ZCCHC17: variants seen among roughly 807,000 people sequenced by gnomAD.
ZCCHC17 encodes the protein zinc finger CCHC domain-containing protein 17.
In ZCCHC17, 18 loss-of-function variants were observed where a neutral mutation model predicts 30.6. The observed-to-expected ratio is 0.59, with a 90% CI of 0.41 to 0.87. ZCCHC17 has a LOEUF of 0.87. Among genes scored for constraint, ZCCHC17 ranks in the 40% least tolerant of loss-of-function variants. The probability of loss-of-function intolerance (pLI) is 0.00; values close to 1 mark genes in which losing one functional copy is unlikely to be tolerated. For missense variants in ZCCHC17, 263 were observed against 284.2 expected (o/e 0.93, Z 0.54); for synonymous variants, 88 against 92.4 (o/e 0.95, Z 0.27).
At chr1:31,331,201 G>C (rs1638569592) in intron 3 of ZCCHC17, among the ~76,000 whole-genome samples, 1 of 151,506 alleles carries the variant, frequency 6.6e-6, no homozygotes. Context: ...GAGTGCATTT[G>C]CATGATTATC....
At chr1:31,361,019 T>C (rs978491511) in intron 7 of ZCCHC17, among the ~76,000 whole-genome samples, 1 of 152,218 alleles carries the variant, frequency 6.6e-6, no homozygotes, top group Non-Finnish European at 1.5e-5. Flanking sequence ...TTTTCATTTT[T>C]ACTTTCCCAG....
intron 1 of ZCCHC17, among the ~76,000 whole-genome samples, chr1:31,309,751 C>G (rs868112760): frequency 7.2e-5 from 11 of 152,076 alleles, no homozygotes; most frequent in African/African-American, 2.4e-4. Flanking sequence ...TCTTTTCCCA[C>G]CCTCCCCCAA....
intron 3 of ZCCHC17, among the ~76,000 whole-genome samples, chr1:31,322,524 C>A (rs1283578529): frequency 6.6e-6 from 1 of 152,138 alleles, no homozygotes; most frequent in East Asian, 1.9e-4. Context: ...GAGTACAAAG[C>A]CTCTGTCCCC....
At chr1:31,352,896 ATACCTAATAGTAGAATTGCTGGATC>A in intron 7 of ZCCHC17, among the ~76,000 whole-genome samples, 1 of 152,330 alleles carries the variant, frequency 6.6e-6, no homozygotes, top group South Asian at 2.1e-4. Flanking sequence ...TTTTTGGTAT[ATACCTAATAGTAGAATTGCTGGATC>A]ATATATTCTG....
At chr1:31,313,628 CCT>C (rs1172168381) in intron 2 of ZCCHC17, among the ~76,000 whole-genome samples, 2 of 152,118 alleles carry the variant, frequency 1.3e-5, no homozygotes, top group African/African-American at 4.8e-5. Context: ...CTCTTTAAAG[CCT>C]CTGTCCTTTT....
intron 3 of ZCCHC17, among the ~76,000 whole-genome samples, chr1:31,324,393 G>C (rs1569818543): frequency 6.6e-6 from 1 of 152,338 alleles, no homozygotes; most frequent in East Asian, 1.9e-4. Flanking sequence ...GTTCTATGGA[G>C]CTGGCAGGAG....
intron 2 of ZCCHC17, among the ~76,000 whole-genome samples, chr1:31,312,127 TG>T (rs1280905554): frequency 1.3e-5 from 2 of 152,182 alleles, no homozygotes; most frequent in African/African-American, 2.4e-5. Context: ...TACGGTATTT[TG>T]TTATAGCAGC....
In ZCCHC17 at chr1:31,310,109, G is replaced by A. The variant is rs775807974; in HGVS notation, c.11G>A (p.Gly4Glu). Residue 4 changes from glycine to glutamate, a missense_variant, in exon 2 of 8, where the codon GGA (glycine) becomes GAA (glutamate). Transcript: ENST00000344147. Reference protein sequence around the residue: MNSGRPETMENLPA... With the variant: MNSERPETMENLPA... ...CATAGAATATTAAGGATGAATTCAG[G>A]AAGGCCTGAGACCATGGAAAACTTG... 1.2e-6 allele frequency: 2 copies of A among 1,614,000 alleles called. No individual in the cohort carries two copies. Among genetic ancestry groups the A allele is most frequent in the South Asian group, 1.1e-5 (1 of 91,048 alleles).
intron 1 of ZCCHC17, among the ~76,000 whole-genome samples, chr1:31,301,325 C>T (rs1646306347): frequency 6.6e-6 from 1 of 152,102 alleles, no homozygotes; most frequent in African/African-American, 2.4e-5. Flanking sequence ...AAAAAAATGT[C>T]CCTAAAAATG....
At chr1:31,314,149 G>A (rs962688634) in intron 2 of ZCCHC17, among the ~76,000 whole-genome samples, 1 of 152,184 alleles carries the variant, frequency 6.6e-6, no homozygotes, top group Non-Finnish European at 1.5e-5. Context: ...ACAGGTGTGA[G>A]CCACTGTGCC....
rs1213753502 is a variant in ZCCHC17 at position 31,356,784 on chromosome 1, G to C, written c.565-7248G>C. 2.6e-5 allele frequency among the ~76,000 whole-genome samples: 4 copies of C among 152,336 alleles called. No homozygotes were observed. The South Asian group carries it at 8.3e-4, about 32-fold the overall frequency. On this transcript the variant is annotated intron_variant, in intron 7 of 7. Transcript: ENST00000344147. ...AAGTCCAGGATGCATTGATTTAGTT[G>C]TGTGCATCTGGCACCATGAACAATT... is the stretch of plus-strand genomic sequence containing the variant.
chr1:31,316,253 C>T (rs1342780947), intron 2 of ZCCHC17, among the ~76,000 whole-genome samples: 6 of 152,134 alleles, frequency 3.9e-5, no homozygotes, highest in East Asian at 3.9e-4. Context: ...AGGCATGTGC[C>T]GCCATGCCCA....
chr1:31,317,082 A>G (rs1001544783), intron 2 of ZCCHC17, among the ~76,000 whole-genome samples: 1 of 148,942 alleles, frequency 6.7e-6, no homozygotes, highest in African/African-American at 2.5e-5. Flanking sequence ...CTGGAGTACA[A>G]TGGCGCCATC....
intron 3 of ZCCHC17, among the ~76,000 whole-genome samples, chr1:31,325,943 T>G (rs890011357): frequency 4.0e-5 from 6 of 151,250 alleles, no homozygotes; most frequent in African/African-American, 1.5e-4. Context: ...CAGTGAGCTA[T>G]GATTGTGCCA....
In ZCCHC17 at chr1:31,319,230, C is replaced by T. The variant is rs750896130; in HGVS notation, c.124+64C>T. 97 of 1,350,310 alleles carry T rather than the reference C, an allele frequency of 7.2e-5. 1 individual carries two copies. Among genetic ancestry groups the T allele is most frequent in the Non-Finnish European group, 9.5e-5 (91 of 957,618 alleles). 83.6% of individuals were successfully genotyped at this position (1,350,310 alleles called of 1,614,324 possible). A position where few individuals can be genotyped will look rare whatever the true frequency, so the allele number is the denominator to read the frequency against. ...ACTCTCTGCTAACACTCCACCACCT[C>T]CTAATTATAGGCTGTACATTTTTCA... On this transcript the variant is annotated intron_variant, in intron 3 of 7. Coordinates refer to ENST00000344147, the MANE Select transcript of ZCCHC17 (RefSeq NM_016505.4).
At chr1:31,326,826 T>G (rs1465053190) in intron 3 of ZCCHC17, among the ~76,000 whole-genome samples, 1 of 152,192 alleles carries the variant, frequency 6.6e-6, no homozygotes, top group African/African-American at 2.4e-5. Context: ...ATTGGATAAC[T>G]TGAGCAATTG....
intron 5 of ZCCHC17, among the ~76,000 whole-genome samples, chr1:31,343,731 C>G (rs1262147076): frequency 2.7e-5 from 4 of 146,378 alleles, no homozygotes; most frequent in Non-Finnish European, 5.9e-5. Flanking sequence ...GTCTCCCAGG[C>G]TGGAGTGTAG....
intron 5 of ZCCHC17, among the ~76,000 whole-genome samples, chr1:31,346,408 A>T (rs1639274444): frequency 6.6e-6 from 1 of 152,136 alleles, no homozygotes; most frequent in South Asian, 2.1e-4. Context: ...TTGAGTAATT[A>T]TATATTTTCA....
intron 2 of ZCCHC17, among the ~76,000 whole-genome samples, chr1:31,317,385 T>C (rs1027615195): frequency 3.9e-5 from 6 of 152,210 alleles, no homozygotes; most frequent in African/African-American, 1.4e-4. Flanking sequence ...TGTGCTTCAG[T>C]GTCTTAGACT....
Sources: allele counts gnomAD v4.1 joint callset (sites outside exome capture counted in the v4.1 genomes callset), GRCh38; gene constraint gnomAD v4.1.1; transcripts MANE v1.5; gene names NCBI Gene and HGNC (gene_info 2026-07-23, HGNC 2026-07-21).